Variants in ANKRD16 observed in about 807,000 individuals in gnomAD.
The protein encoded by ANKRD16 is ankyrin repeat domain-containing protein 16.
A neutral mutation model predicts 37.9 loss-of-function variants in ANKRD16; 35 were observed. That is an observed-to-expected ratio of 0.92 (90% CI 0.71 to 1.23). The LOEUF is 1.23. ANKRD16 is among the 50% of genes most tolerant of loss of function. ANKRD16 has a pLI of 0.00. For synonymous variants in ANKRD16, 206 were observed against 197.2 expected, an observed-to-expected ratio of 1.04 and a Z score of -0.37; for missense variants, 480 against 469.9, an observed-to-expected ratio of 1.02 and a Z score of -0.20.
Position 5,866,906 on chromosome 10 carries a change from CAGAG to C in ANKRD16, c.*34-4219_*34-4216del, listed in dbSNP as rs1261903802. Among the ~76,000 whole-genome samples the C allele has an allele frequency of 6.6e-6, 1 of 150,782 alleles. No individual in the cohort carries two copies. The highest frequency in any genetic ancestry group is 1.5e-5 in the Non-Finnish European group (1 of 67,714). The stretch of plus-strand genomic sequence containing the variant: ...GAGGAAGAGACAGACAAAGAAGAGT[CAGAG>C]AGAGAGAAACAGAAAGTCAAAGAAA... On this transcript the variant is annotated intron_variant, in intron 7 of 7. Transcript: ENST00000380094. The surrounding 1 kb of genome is among the most constrained non-coding windows in gnomAD (Gnocchi z 4.3).
chr10:5,889,186 C>A lies in ANKRD16; in HGVS notation c.169G>T (p.Ala57Ser). ...TCGATGTCCATGCCCCAGGCCTCGG[C>A]CAGATAGGCCAGCACGTCCCGATGC... is the stretch of plus-strand genomic sequence containing the variant. ...HGHRDVLAYL[A>S]EAWGMDIEAT... Residue 57 changes from alanine (A) to serine (S), a missense_variant, in exon 1 of 8, where the codon GCC (alanine) becomes TCC (serine). Physicochemically the swap from Ala to Ser is moderately conservative, Grantham distance 99. Coordinates refer to ENST00000380094, the MANE Select transcript of ANKRD16 (RefSeq NM_019046.3). 2 of 1,597,882 alleles carry A rather than the reference C, an allele frequency of 1.3e-6. No homozygotes were observed. The highest frequency in any genetic ancestry group is 1.7e-6 in the Non-Finnish European group (2 of 1,179,334).
In ANKRD16 at chr10:5,888,076, A is replaced by T. The variant is rs772571757; in HGVS notation, c.315-9T>A. On this transcript the variant is annotated splice_polypyrimidine_tract_variant and intron_variant, in intron 1 of 7. Coordinates refer to ENST00000380094, the MANE Select transcript of ANKRD16 (RefSeq NM_019046.3). ...CCATCATCAGAGGAGTCCTAAGGCC[A>T]ACCAGGAGAAGCTGTCAGATGGAGG... 3 of 1,612,482 alleles carry T rather than the reference A, an allele frequency of 1.9e-6. No individual in the cohort carries two copies. The African/African-American group carries it at 4.0e-5, about 22-fold the overall frequency.
At position 5,871,103 on chromosome 10, in the gene ANKRD16, G is replaced by A. The variant is rs1315652735; in HGVS notation, c.*33+6994C>T. Among the ~76,000 whole-genome samples, 1 of 152,048 alleles carries A rather than the reference G, an allele frequency of 6.6e-6. No individual in the cohort carries two copies. The highest frequency in any genetic ancestry group is 2.4e-5 in the African/African-American group (1 of 41,386). ...TCCTTCTCAGTAAAAATCATGTCAC[G>A]CAGCCAGGCTTGGTGGTTCACGCCT... On this transcript the variant is annotated intron_variant, in intron 7 of 7. Transcript: ENST00000380094. The surrounding 1 kb of genome is among the most constrained non-coding windows in gnomAD (Gnocchi z 4.5).
chr10:5,875,817 A>G (rs1021041597), intron 7 of ANKRD16, among the ~76,000 whole-genome samples: 3 of 150,708 alleles, frequency 2.0e-5, no homozygotes, highest in African/African-American at 7.4e-5. Context: ...GATTCAAGCG[A>G]TTCTCCTGCC....
In ANKRD16 at chr10:5,862,055, C is replaced by G. The variant is rs1564411678; in HGVS notation, c.*670G>C. 1 of 171,304 alleles carries G rather than the reference C, an allele frequency of 5.8e-6. No homozygotes were observed. The highest frequency in any genetic ancestry group is 1.7e-4 in the East Asian group (1 of 6,008). The allele number at this position is 171,304 out of a possible 1,614,324, so 10.6% of individuals were successfully genotyped here. A position where few individuals can be genotyped will look rare whatever the true frequency, so the allele number is the denominator to read the frequency against. ...TAGCTGGGACTACAGGCGCCCACCA[C>G]CATGCCTGGCTAATTTTTTTGTATT... On this transcript the variant is annotated 3_prime_UTR_variant, in exon 8 of 8. Transcript: ENST00000380094. The surrounding 1 kb of genome is among the most constrained non-coding windows in gnomAD (Gnocchi z 6.5).
intron 5 of ANKRD16, 56 bp downstream of exon 5, chr10:5,882,950 A>T: frequency 6.3e-7 from 1 of 1,580,812 alleles, no homozygotes; most frequent in Non-Finnish European, 8.6e-7. Context: ...GCTACTGATC[A>T]AAGAAGTAAG....
At chr10:5,867,429 T>C (rs1015557148) in intron 7 of ANKRD16, among the ~76,000 whole-genome samples, 1 of 152,232 alleles carries the variant, frequency 6.6e-6, no homozygotes, top group Non-Finnish European at 1.5e-5. Flanking sequence ...ACCTGCGAGC[T>C]ATTGGCACTC....
Position 5,866,717 on chromosome 10 carries a change from A to G in ANKRD16, c.*34-4026T>C, listed in dbSNP as rs1392228224. On this transcript the variant is annotated intron_variant, in intron 7 of 7. Coordinates refer to ENST00000380094, the MANE Select transcript of ANKRD16 (RefSeq NM_019046.3). The surrounding 1 kb of genome is among the most constrained non-coding windows in gnomAD (Gnocchi z 4.3). ...AAAAAGGGGAAGGAGAGGGGAGAAC[A>G]GCAGCGTAAGTGGCTGGCAGAGGCA... Among the ~76,000 whole-genome samples, 1 of 152,220 alleles carries G rather than the reference A, an allele frequency of 6.6e-6. No homozygotes were observed. Among genetic ancestry groups the G allele is most frequent in the Non-Finnish European group, 1.5e-5 (1 of 68,034 alleles).
chr10:5,884,094 A>C lies in ANKRD16; in HGVS notation c.579-17T>G, dbSNP rs1842371270. 6.2e-7 allele frequency: 1 copy of C among 1,606,576 alleles called. No homozygotes were observed. The highest frequency in any genetic ancestry group is 1.3e-5 in the African/African-American group (1 of 74,930). On this transcript the variant is annotated splice_polypyrimidine_tract_variant and intron_variant, in intron 3 of 7. Coordinates refer to ENST00000380094, the MANE Select transcript of ANKRD16 (RefSeq NM_019046.3). ...TATTGGCACCTAGAGCCAAAACCCC[A>C]AGTAAGAGCTGAGAAAATTCAATAC...
At position 5,884,091 on chromosome 10, in the gene ANKRD16, C is replaced by A. The variant is rs1842371187; in HGVS notation, c.579-14G>T. The stretch of plus-strand genomic sequence containing the variant: ...TCATATTGGCACCTAGAGCCAAAAC[C>A]CCAAGTAAGAGCTGAGAAAATTCAA... On this transcript the variant is annotated splice_polypyrimidine_tract_variant and intron_variant, in intron 3 of 7. Transcript: ENST00000380094. The A allele has an allele frequency of 6.2e-7, 1 of 1,608,766 alleles. No homozygotes were observed. Among genetic ancestry groups the A allele is most frequent in the South Asian group, 1.1e-5 (1 of 90,804 alleles).
Position 5,881,592 on chromosome 10 carries a change from G to A in ANKRD16, c.850-1216C>T, listed in dbSNP as rs549586845. Among the ~76,000 whole-genome samples, 57 of 150,086 alleles carry A rather than the reference G, an allele frequency of 3.8e-4. No individual in the cohort carries two copies. The South Asian group carries it at 0.011, about 30-fold the overall frequency. ...CGATCCTTCTGCCTCAGCCTCCTGA[G>A]TAGCTGGGACTAGTGGCATGTGTCA... On this transcript the variant is annotated intron_variant, in intron 5 of 7. Transcript: ENST00000380094.
At chr10:5,875,053 G>A (rs1321812603) in intron 7 of ANKRD16, among the ~76,000 whole-genome samples, 3 of 152,130 alleles carry the variant, frequency 2.0e-5, no homozygotes, top group East Asian at 1.9e-4. Context: ...CAAGCAGGAC[G>A]TCACTGGTAT....
intron 2 of ANKRD16, among the ~76,000 whole-genome samples, chr10:5,887,241 CA>C (rs1842439558): frequency 6.6e-6 from 1 of 152,190 alleles, no homozygotes; most frequent in African/African-American, 2.4e-5. Context: ...CTATGTGCTA[CA>C]GAACCAGCTC....
chr10:5,869,150 C>T lies in ANKRD16; in HGVS notation c.*34-6459G>A, dbSNP rs1842054802. Among the ~76,000 whole-genome samples, 1 of 152,076 alleles carries T rather than the reference C, an allele frequency of 6.6e-6. No individual in the cohort carries two copies. Among genetic ancestry groups the T allele is most frequent in the Non-Finnish European group, 1.5e-5 (1 of 68,022 alleles). ...TGTGTGGCCCAAGACAATCATTCTT[C>T]TTCCAATGTGGCCCAAGGGAGACAA... On this transcript the variant is annotated intron_variant, in intron 7 of 7. Transcript: ENST00000380094. The surrounding 1 kb of genome is among the most constrained non-coding windows in gnomAD (Gnocchi z 4.0).
At chr10:5,877,193 A>C (rs949121538) in intron 7 of ANKRD16, among the ~76,000 whole-genome samples, 11 of 152,072 alleles carry the variant, frequency 7.2e-5, no homozygotes, top group Non-Finnish European at 1.5e-4. Context: ...GCTCACTGCA[A>C]CCTCTGCCTC....
At chr10:5,885,915 G>T (rs374903063) in intron 2 of ANKRD16, 150 bp from the exon 3 acceptor site, 66 of 695,786 alleles carry the variant, frequency 9.5e-5, no homozygotes, top group East Asian at 9.2e-4. Flanking sequence ...CGCCCTACAC[G>T]AATAAATATT....
rs541567482 is a variant in ANKRD16, at chr10:5,878,525, C to T, written c.929-238G>A. The stretch of plus-strand genomic sequence containing the variant: ...ATTTAAGAAATTTATCTAGGCTGGG[C>T]GTGGTGGCTCATGCCTGTAATCCCA... On this transcript the variant is annotated intron_variant, in intron 6 of 7. Coordinates refer to ENST00000380094, the MANE Select transcript of ANKRD16 (RefSeq NM_019046.3). The surrounding 1 kb of genome is among the most constrained non-coding windows in gnomAD (Gnocchi z 5.1). Among the ~76,000 whole-genome samples, 2 of 152,050 alleles carry T rather than the reference C, an allele frequency of 1.3e-5. No individual in the cohort carries two copies. The highest frequency in any genetic ancestry group is 2.4e-5 in the African/African-American group (1 of 41,394).
At position 5,864,363 on chromosome 10, in the gene ANKRD16, G is replaced by A. The variant is rs2131750952; in HGVS notation, c.*34-1672C>T. On this transcript the variant is annotated intron_variant, in intron 7 of 7. Coordinates refer to ENST00000380094, the MANE Select transcript of ANKRD16 (RefSeq NM_019046.3). The surrounding 1 kb of genome is among the most constrained non-coding windows in gnomAD (Gnocchi z 4.4). The stretch of plus-strand genomic sequence containing the variant: ...CCCCCCCACCCCTGCTATCGGTTAT[G>A]TCCTTTTCAAGCTGTATGGGGAGGG... Among the ~76,000 whole-genome samples the A allele has an allele frequency of 6.6e-6, 1 of 152,136 alleles. No individual in the cohort carries two copies. Among genetic ancestry groups the A allele is most frequent in the Admixed American group, 6.5e-5 (1 of 15,276 alleles).
intron 1 of ANKRD16, 80 bp downstream of exon 1, chr10:5,888,961 A>G (rs368455831): frequency 2.9e-6 from 4 of 1,389,028 alleles, no homozygotes; most frequent in Admixed American, 2.9e-5. Flanking sequence ...ACGGTGTCCA[A>G]GGGGACGGAG....
Sources: gnomAD v4.1 joint callset for allele counts (sites outside exome capture counted in the v4.1 genomes callset) on GRCh38, gnomAD v4.1.1 for gene constraint, Gnocchi (gnomAD v3.1) non-coding constraint, MANE v1.5 for transcripts, NCBI Gene and HGNC (gene_info 2026-07-23, HGNC 2026-07-21) for gene names.